TKTL1: variants seen among roughly 807,000 people sequenced by gnomAD.
TKTL1 encodes transketolase-like protein 1.
TKTL1 carries 1 observed loss-of-function variant against 39.3 expected under a neutral mutation model. The ratio of observed to expected loss-of-function variants is 0.03; its 90% CI spans 0.01 to 0.12. The LOEUF is 0.12. Among genes scored for constraint, TKTL1 ranks in the 10% least tolerant of loss-of-function variants. The pLI is 1.00. For missense variants in TKTL1, 575 were observed against 509.6 expected, an observed-to-expected ratio of 1.13 and a Z score of -1.24; for synonymous variants, 262 against 193.8, an observed-to-expected ratio of 1.35 and a Z score of -2.92.
intron 6 of TKTL1, 147 bp from the exon 7 acceptor site, chrX:154,315,026 T>A: frequency 1.7e-6 from 1 of 605,949 alleles, no homozygotes; most frequent in Non-Finnish European, 2.5e-6. Context: ...TTTATGACAT[T>A]AAAGGAAATT....
chrX:154,327,541 C>A (rs782555890), intron 10 of TKTL1, 50 bp from the exon 11 acceptor site: 1 of 1,080,398 alleles, frequency 9.3e-7, no homozygotes, highest in Non-Finnish European at 1.3e-6. Context: ...CTTTGACATG[C>A]ATTCTGTGTG....
rs782776923 is a variant in TKTL1 at position 154,327,897 on chromosome X, C to A, written c.1557C>A (p.Ile519=). 8.3e-7 allele frequency: 1 copy of A among 1,211,627 alleles called. No homozygotes were observed. Among genetic ancestry groups the A allele is most frequent in the East Asian group, 3.0e-5 (1 of 33,876 alleles). ...TTAAACCTCTGGATGTCGCCACCATCGTCTCCAGTGCAAAAGCCACAGAGG... is the reference window on the plus strand; with the variant it reads ...TTAAACCTCTGGATGTCGCCACCATAGTCTCCAGTGCAAAAGCCACAGAGG... ...FTIKPLDVAT[I]VSSAKATEGR... Residue 519 remains isoleucine, a synonymous_variant, in exon 12 of 13, where the codon ATC becomes ATA. Transcript: ENST00000369915.
chrX:154,301,638 C>T (rs1252946027), intron 1 of TKTL1, among the ~76,000 whole-genome samples: 1 of 112,505 alleles, frequency 8.9e-6, no homozygotes, highest in Non-Finnish European at 1.9e-5. Flanking sequence ...TTCCCTTCAC[C>T]TTCAAAATTA....
At chrX:154,296,502 CAAAAAA>C (rs1277384074) in intron 1 of TKTL1, among the ~76,000 whole-genome samples, 67 of 109,188 alleles carry the variant, frequency 6.1e-4, no homozygotes, top group African/African-American at 2.1e-3. Flanking sequence ...CGTCTCTTAC[CAAAAAA>C]TAAAAATAAA....
Position 154,305,164 on chromosome X carries a change from A to T in TKTL1, c.135-140A>T, listed in dbSNP as rs1453550933. 3 of 1,177,860 alleles carry T rather than the reference A, an allele frequency of 2.5e-6. No homozygotes were observed. The East Asian group carries it at 9.1e-5, about 36-fold the overall frequency. On this transcript the variant is annotated intron_variant, in intron 1 of 12. Transcript: ENST00000369915. ...CTTTAAAGCGCCCTTCCAACCTGTG[A>T]GCCCTGCATTCCTTACCCTTGGTTG...
chrX:154,317,998 G>A (rs782584441), intron 7 of TKTL1, among the ~76,000 whole-genome samples: 2 of 112,108 alleles, frequency 1.8e-5, no homozygotes, highest in Admixed American at 9.4e-5. Context: ...ACATGTGGCC[G>A]CTCCACACCA....
chrX:154,296,065 A>G, intron 1 of TKTL1, 72 bp downstream of exon 1: 1 of 1,154,232 alleles, frequency 8.7e-7, no homozygotes, highest in East Asian at 3.0e-5. Flanking sequence ...GGTGGCCATG[A>G]GGCCGTGTGG....
At chrX:154,328,940 A>G (rs1397283149) in intron 12 of TKTL1, among the ~76,000 whole-genome samples, 1 of 112,413 alleles carries the variant, frequency 8.9e-6, no homozygotes, top group African/African-American at 3.2e-5. Context: ...GGGCATACTG[A>G]GAAGTGCCTC....
intron 7 of TKTL1, 149 bp downstream of exon 7, chrX:154,315,486 GAGTCT>G: frequency 3.6e-6 from 2 of 558,389 alleles, no homozygotes; most frequent in Middle Eastern, 5.7e-4. Flanking sequence ...TAGCCAGGTG[GAGTCT>G]GAGAGGTGGC....
intron 3 of TKTL1, among the ~76,000 whole-genome samples, chrX:154,310,284 G>A (rs781791126): frequency 2.1e-4 from 23 of 110,593 alleles, no homozygotes; most frequent in African/African-American, 7.2e-4. Flanking sequence ...TGGCGAAACC[G>A]CCTCTCTACT....
intron 1 of TKTL1, among the ~76,000 whole-genome samples, chrX:154,301,059 C>A (rs782155188): frequency 9.0e-6 from 1 of 110,751 alleles, no homozygotes; most frequent in African/African-American, 3.3e-5. Flanking sequence ...TTCCTCTTCT[C>A]CAATTTGGAT....
In TKTL1 at chrX:154,295,953, C is replaced by A. The variant is rs1051964543; in HGVS notation, c.94C>A (p.Arg32=). 1.7e-6 allele frequency: 2 copies of A among 1,210,163 alleles called. No homozygotes were observed. Among genetic ancestry groups the A allele is most frequent in the African/African-American group, 3.5e-5 (2 of 57,261 alleles). ...QVLQDMASRL[R]IHSIRATCST... is the part of the protein sequence containing the mutation. Reference sequence around the variant, plus strand: ...GTTGCAAGATATGGCCAGCCGCTTGCGAATCCATTCCATCAGGGCCACATG... The same window carrying A: ...GTTGCAAGATATGGCCAGCCGCTTGAGAATCCATTCCATCAGGGCCACATG... The change falls in exon 1 of 13, where the codon CGA becomes AGA. Residue 32 remains arginine, a synonymous_variant. Transcript: ENST00000369915.
intron 7 of TKTL1, among the ~76,000 whole-genome samples, chrX:154,316,352 G>C (rs1302414557): frequency 1.8e-5 from 2 of 111,292 alleles, no homozygotes; most frequent in African/African-American, 6.5e-5. Flanking sequence ...TTACAGACAT[G>C]AGCCACCGCG....
At chrX:154,313,064 A>G (rs1427185249) in intron 6 of TKTL1, among the ~76,000 whole-genome samples, 1 of 112,083 alleles carries the variant, frequency 8.9e-6, no homozygotes, top group Non-Finnish European at 1.9e-5. Flanking sequence ...TGCACCCAGT[A>G]GGTACTTGAT....
At chrX:154,307,439 A>G (rs1285995622) in intron 2 of TKTL1, among the ~76,000 whole-genome samples, 3 of 112,274 alleles carry the variant, frequency 2.7e-5, no homozygotes, top group African/African-American at 6.5e-5. Flanking sequence ...GTAAACAGCT[A>G]TACTCCAGGC....
chrX:154,317,232 T>C (rs2067408248), intron 7 of TKTL1, among the ~76,000 whole-genome samples: 1 of 112,175 alleles, frequency 8.9e-6, no homozygotes, highest in Admixed American at 9.5e-5. Flanking sequence ...GGAAAAAAGT[T>C]GTAAAGAAAA....
At chrX:154,303,555 C>T (rs1237404633) in intron 1 of TKTL1, among the ~76,000 whole-genome samples, 34 of 104,931 alleles carry the variant, frequency 3.2e-4, no homozygotes, top group African/African-American at 1.1e-3. Context: ...ATCATTCCCT[C>T]TTCCCTCGTC....
chrX:154,296,214 C>T (rs1465260370), intron 1 of TKTL1, among the ~76,000 whole-genome samples: 2 of 111,091 alleles, frequency 1.8e-5, no homozygotes, highest in Non-Finnish European at 3.8e-5. Context: ...GTTGGTCAGC[C>T]GCGGGTTCTG....
chrX:154,303,158 A>T (rs1329644213), intron 1 of TKTL1, among the ~76,000 whole-genome samples: 2 of 106,878 alleles, frequency 1.9e-5, no homozygotes, highest in African/African-American at 6.9e-5. Context: ...CCTACCTCTC[A>T]TTCCCCATTT....
Sources: gnomAD v4.1 joint callset for allele counts (sites outside exome capture counted in the v4.1 genomes callset) on GRCh38, gnomAD v4.1.1 for gene constraint, MANE v1.5 for transcripts, NCBI Gene and HGNC (gene_info 2026-07-23, HGNC 2026-07-21) for gene names.